The following ZCCHC7 variants were observed in gnomAD, a reference collection of about 807,000 sequenced individuals.
The protein encoded by ZCCHC7 is zinc finger CCHC domain-containing protein 7.
Under a neutral mutation model 52.0 loss-of-function variants are expected in ZCCHC7, and 35 were observed. That is an observed-to-expected ratio of 0.67 (90% CI 0.51 to 0.89). The LOEUF (loss-of-function observed/expected upper bound fraction) is 0.89, where lower values mean the gene tolerates loss of function less well. ZCCHC7 is among the 40% of genes least tolerant of loss of function. The pLI is 0.00. For missense variants in ZCCHC7, 574 were observed against 649.1 expected, an observed-to-expected ratio of 0.88 and a Z score of 1.26; for synonymous variants, 217 against 221.5, an observed-to-expected ratio of 0.98 and a Z score of 0.18.
At chr9:37,336,377 T>C (rs561884252) in intron 6 of ZCCHC7, among the ~76,000 whole-genome samples, 6 of 152,284 alleles carry the variant, frequency 3.9e-5, no homozygotes, top group South Asian at 2.1e-4. Flanking sequence ...ATGGAACATA[T>C]TGTAAAAGCA....
At chr9:37,220,724 A>G (rs1426242135) in intron 2 of ZCCHC7, among the ~76,000 whole-genome samples, 1 of 152,156 alleles carries the variant, frequency 6.6e-6, no homozygotes, top group Non-Finnish European at 1.5e-5. Flanking sequence ...GGTATAGTTT[A>G]TATAAGCAGA....
At chr9:37,350,995 A>T (rs974947525) in intron 7 of ZCCHC7, among the ~76,000 whole-genome samples, 2 of 152,196 alleles carry the variant, frequency 1.3e-5, no homozygotes, top group African/African-American at 4.8e-5. Context: ...GGATGGGGTG[A>T]GTGGTATTGC....
intron 2 of ZCCHC7, among the ~76,000 whole-genome samples, chr9:37,188,487 C>T (rs1822787492): frequency 7.2e-6 from 1 of 138,282 alleles, no homozygotes. Flanking sequence ...CTTCTCTCCC[C>T]CTACCCCTCC....
At chr9:37,184,783 A>G (rs58319849) in intron 2 of ZCCHC7, among the ~76,000 whole-genome samples, 21,675 of 152,086 alleles carry the variant, frequency 0.14, 1,774 homozygotes, top group Non-Finnish European at 0.17. Context: ...AGTCACTTGC[A>G]TGACTGTTTT....
chr9:37,238,134 T>TA (rs1825734964), intron 2 of ZCCHC7, among the ~76,000 whole-genome samples: 2 of 152,324 alleles, frequency 1.3e-5, no homozygotes, highest in African/African-American at 4.8e-5. Context: ...GTGTTGAGTT[T>TA]AGCACTCTTG....
chr9:37,349,245 A>G (rs968036107), intron 6 of ZCCHC7, 112 bp from the exon 7 acceptor site: 15 of 1,040,316 alleles, frequency 1.4e-5, no homozygotes, highest in Admixed American at 1.2e-4. Flanking sequence ...GTCTCCATAC[A>G]AAACTCTAAG....
At chr9:37,270,708 G>C (rs1455409122) in intron 2 of ZCCHC7, among the ~76,000 whole-genome samples, 1 of 147,330 alleles carries the variant, frequency 6.8e-6, no homozygotes, top group African/African-American at 2.5e-5. Flanking sequence ...AAAAGAAAAA[G>C]ACCTCCTAGG....
chr9:37,214,327 T>A (rs187645878), intron 2 of ZCCHC7, among the ~76,000 whole-genome samples: 1 of 152,176 alleles, frequency 6.6e-6, no homozygotes, highest in East Asian at 1.9e-4. Context: ...TATCCCAGAT[T>A]CGGTTTTTCT....
chr9:37,192,110 G>A (rs1823049911), intron 2 of ZCCHC7, among the ~76,000 whole-genome samples: 2 of 152,210 alleles, frequency 1.3e-5, no homozygotes, highest in Non-Finnish European at 2.9e-5. Context: ...TAGTTAAAAA[G>A]GAGTGGAAAT....
chr9:37,236,763 A>G (rs1406788218), intron 2 of ZCCHC7, among the ~76,000 whole-genome samples: 2 of 152,202 alleles, frequency 1.3e-5, no homozygotes, highest in Non-Finnish European at 2.9e-5. Context: ...CATACACGGC[A>G]CAGTGCAGGC....
intron 2 of ZCCHC7, among the ~76,000 whole-genome samples, chr9:37,230,592 T>A (rs1331527178): frequency 2.6e-5 from 4 of 152,254 alleles, no homozygotes; most frequent in Non-Finnish European, 5.9e-5. Context: ...TTTCTTTTTT[T>A]AAAATAATAA....
intron 2 of ZCCHC7, among the ~76,000 whole-genome samples, chr9:37,168,113 A>G (rs867659396): frequency 6.6e-6 from 1 of 152,126 alleles, no homozygotes; most frequent in Admixed American, 6.5e-5. Context: ...GAGTTTGTCA[A>G]GAGTCTACCT....
At chr9:37,154,142 G>A (rs1014777644) in intron 2 of ZCCHC7, among the ~76,000 whole-genome samples, 4 of 152,040 alleles carry the variant, frequency 2.6e-5, no homozygotes, top group Non-Finnish European at 5.9e-5. Flanking sequence ...TCCCGCCTCA[G>A]CCTCCCAAAG....
intron 2 of ZCCHC7, among the ~76,000 whole-genome samples, chr9:37,167,058 C>G (rs962188948): frequency 6.6e-6 from 1 of 152,098 alleles, no homozygotes; most frequent in Admixed American, 6.6e-5. Context: ...TTTTTTGGCC[C>G]TCTTTGGAGA....
At chr9:37,260,769 T>A (rs1191922595) in intron 2 of ZCCHC7, among the ~76,000 whole-genome samples, 1 of 152,154 alleles carries the variant, frequency 6.6e-6, no homozygotes, top group Non-Finnish European at 1.5e-5. Context: ...TAAGACTTGA[T>A]ACTCCTCTAG....
intron 2 of ZCCHC7, among the ~76,000 whole-genome samples, chr9:37,300,178 CT>C (rs1056742012): frequency 6.6e-6 from 1 of 152,154 alleles, no homozygotes. Flanking sequence ...TCCTTTTTTA[CT>C]GTTTTCTGTT....
chr9:37,212,456 A>T (rs1370535616), intron 2 of ZCCHC7, among the ~76,000 whole-genome samples: 2 of 152,104 alleles, frequency 1.3e-5, no homozygotes, highest in African/African-American at 2.4e-5. Flanking sequence ...GCAGATCTTT[A>T]AAAAAAATTG....
intron 2 of ZCCHC7, among the ~76,000 whole-genome samples, chr9:37,250,295 T>C (rs1214456389): frequency 6.8e-6 from 1 of 146,362 alleles, no homozygotes; most frequent in Non-Finnish European, 1.5e-5. Context: ...TCTCTCTTTC[T>C]CTCTCTTTTT....
intron 2 of ZCCHC7, among the ~76,000 whole-genome samples, chr9:37,218,222 G>C (rs1019453987): frequency 3.3e-5 from 5 of 151,794 alleles, no homozygotes; most frequent in Non-Finnish European, 5.9e-5. Context: ...AAAGATTCTT[G>C]AAAGGGCAAA....
Sources: allele counts gnomAD v4.1 joint callset (sites outside exome capture counted in the v4.1 genomes callset), GRCh38; gene constraint gnomAD v4.1.1; transcripts MANE v1.5; gene names NCBI Gene and HGNC (gene_info 2026-07-23, HGNC 2026-07-21).